BBS9: variants seen among roughly 807,000 people sequenced by gnomAD.
BBS9 encodes Bardet-Biedl syndrome 9.
BBS9 carries 89 observed loss-of-function variants against 117.7 expected under a neutral mutation model. The ratio of observed to expected loss-of-function variants is 0.76; its 90% confidence interval spans 0.64 to 0.90. The LOEUF (loss-of-function observed/expected upper bound fraction) is 0.90, where lower values mean the gene tolerates loss of function less well. Among genes scored for constraint, BBS9 ranks in the 40% least tolerant of loss-of-function variants. The pLI is 0.00. For missense variants in BBS9, 982 were observed against 1,042.2 expected, an observed-to-expected ratio of 0.94 and a Z score of 0.80; for synonymous variants, 379 against 370.9, an observed-to-expected ratio of 1.02 and a Z score of -0.25.
At chr7:33,226,757 ATAT>A (rs1431318472) in intron 5 of BBS9, among the ~76,000 whole-genome samples, 1 of 152,192 alleles carries the variant, frequency 6.6e-6, no homozygotes, top group African/African-American at 2.4e-5. Flanking sequence ...AACCTTGGAG[ATAT>A]TATGTTAAGT....
intron 9 of BBS9, among the ~76,000 whole-genome samples, chr7:33,286,062 G>A (rs1365545949): frequency 1.3e-5 from 2 of 151,922 alleles, no homozygotes; most frequent in Non-Finnish European, 2.9e-5. Flanking sequence ...GTATAGCCAA[G>A]GATAAGTAGT....
chr7:33,296,364 T>A (rs1478866029), intron 9 of BBS9, among the ~76,000 whole-genome samples: 1 of 152,162 alleles, frequency 6.6e-6, no homozygotes, highest in Non-Finnish European at 1.5e-5. Flanking sequence ...TTGATAAAAT[T>A]TTATGGACAG....
intron 19 of BBS9, among the ~76,000 whole-genome samples, chr7:33,443,206 C>T (rs1836477095): frequency 6.6e-6 from 1 of 151,902 alleles, no homozygotes; most frequent in South Asian, 2.1e-4. Flanking sequence ...AAACCCAAAC[C>T]CTTCAATCCT....
chr7:33,576,057 G>A lies in BBS9; in HGVS notation c.2522-28808G>A, dbSNP rs569455327. Reference sequence around the variant, plus strand: ...TGTAGTGTTGGAAGTTCTGGCCAGGGCAACCAGACAAGAGAAAGAAATAAA... The same window carrying A: ...TGTAGTGTTGGAAGTTCTGGCCAGGACAACCAGACAAGAGAAAGAAATAAA... On this transcript the variant is annotated intron_variant, in intron 21 of 22. Coordinates refer to ENST00000242067, the MANE Select transcript of BBS9 (RefSeq NM_198428.3). 4.1e-3 allele frequency among the ~76,000 whole-genome samples: 625 copies of A among 152,252 alleles called. 6 individuals carry two copies. Among genetic ancestry groups the A allele is most frequent in the African/African-American group, 0.014 (591 of 41,552 alleles).
At chr7:33,358,754 A>G (rs1251910240) in intron 16 of BBS9, among the ~76,000 whole-genome samples, 1 of 151,972 alleles carries the variant, frequency 6.6e-6, no homozygotes, top group African/African-American at 2.4e-5. Context: ...TAAATCCTTC[A>G]TTAAAAATCA....
chr7:33,535,813 G>GAA (rs1199235228), intron 21 of BBS9, among the ~76,000 whole-genome samples: 1 of 151,866 alleles, frequency 6.6e-6, no homozygotes, highest in Non-Finnish European at 1.5e-5. Flanking sequence ...GAGAGAGAGA[G>GAA]AAAAAAAATT....
At chr7:33,179,194 A>C (rs950840465) in intron 5 of BBS9, among the ~76,000 whole-genome samples, 5 of 152,228 alleles carry the variant, frequency 3.3e-5, no homozygotes, top group Non-Finnish European at 7.3e-5. Context: ...ACATCATAAA[A>C]AAATTATAAC....
At chr7:33,423,395 G>GGT (rs142355079) in intron 19 of BBS9, among the ~76,000 whole-genome samples, 1,949 of 150,172 alleles carry the variant, frequency 0.013, 26 homozygotes, top group South Asian at 0.039. Context: ...ATACCTTGGG[G>GGT]GTGTGTGTGT....
intron 19 of BBS9, among the ~76,000 whole-genome samples, chr7:33,452,539 A>G (rs758715982): frequency 2.0e-5 from 3 of 152,206 alleles, no homozygotes; most frequent in Non-Finnish European, 4.4e-5. Flanking sequence ...GGAGAAGATC[A>G]TATGTCCCTT....
chr7:33,405,946 A>G (rs1427371781), intron 19 of BBS9, among the ~76,000 whole-genome samples: 3 of 137,168 alleles, frequency 2.2e-5, no homozygotes, highest in Non-Finnish European at 3.2e-5. Context: ...TAGGGTGTCA[A>G]TTTTGGATCT....
intron 5 of BBS9, among the ~76,000 whole-genome samples, chr7:33,229,688 A>G (rs1791960210): frequency 1.3e-5 from 2 of 152,148 alleles, no homozygotes; most frequent in South Asian, 4.1e-4. Context: ...TTTCCATATC[A>G]TGGCTATTGT....
chr7:33,620,341 A>T (rs1865342341), intron 21 of BBS9, among the ~76,000 whole-genome samples: 1 of 151,964 alleles, frequency 6.6e-6, no homozygotes, highest in Non-Finnish European at 1.5e-5. Flanking sequence ...AGGACTCCTT[A>T]AAAAAACTGT....
At chr7:33,243,113 TC>T (rs1393168719) in intron 5 of BBS9, 1 of 413,526 alleles carries the variant, frequency 2.4e-6, no homozygotes, top group Non-Finnish European at 4.9e-6. Context: ...TTCATTTGGT[TC>T]TGTTAATTTC....
At chr7:33,485,124 A>G (rs987654350) in intron 19 of BBS9, among the ~76,000 whole-genome samples, 1 of 152,030 alleles carries the variant, frequency 6.6e-6, no homozygotes, top group African/African-American at 2.4e-5. Flanking sequence ...TTGGGGGGCA[A>G]CACACACTGG....
In BBS9 at chr7:33,273,542, G is replaced by A. The variant is rs530587804; in HGVS notation, c.887-285G>A. 7.2e-5 allele frequency among the ~76,000 whole-genome samples: 11 copies of A among 152,188 alleles called. No individual in the cohort carries two copies. The South Asian group carries it at 1.0e-3, about 14-fold the overall frequency. ...AGAATGAATTATCTGTAGTGAATGC[G>A]TAGTAAATCATTAGCTTAAATGTGT... On this transcript the variant is annotated intron_variant, in intron 8 of 22. Coordinates refer to ENST00000242067, the MANE Select transcript of BBS9 (RefSeq NM_198428.3).
chr7:33,616,413 G>A (rs906000039), intron 21 of BBS9, among the ~76,000 whole-genome samples: 15 of 149,146 alleles, frequency 1.0e-4, no homozygotes, highest in Non-Finnish European at 1.9e-4. Context: ...TTGTAAATAT[G>A]TATTGTAGAT....
At chr7:33,371,390 G>C (rs1584531559) in intron 17 of BBS9, among the ~76,000 whole-genome samples, 1 of 152,094 alleles carries the variant, frequency 6.6e-6, no homozygotes, top group Admixed American at 6.5e-5. Context: ...TCAGTATCTA[G>C]TGTTTTCAAT....
rs111506225 is a variant in BBS9 at position 33,595,608 on chromosome 7, A to G, written c.2522-9257A>G. Among the ~76,000 whole-genome samples, 1,389 of 152,286 alleles carry G rather than the reference A, an allele frequency of 9.1e-3. 25 individuals carry two copies. Among genetic ancestry groups the G allele is most frequent in the African/African-American group, 0.032 (1,327 of 41,568 alleles). ...GGTGGGAATGTAAATGAGTTCAACC[A>G]TTGTGGAAGACAGTGTGGCGATTCC... On this transcript the variant is annotated intron_variant, in intron 21 of 22. Transcript: ENST00000242067.
At chr7:33,203,446 G>T (rs1786275326) in intron 5 of BBS9, among the ~76,000 whole-genome samples, 2 of 152,138 alleles carry the variant, frequency 1.3e-5, no homozygotes, top group African/African-American at 2.4e-5. Context: ...CTGCTCTCTA[G>T]AACAGTGGTT....
Sources: gnomAD v4.1 joint callset for allele counts (sites outside exome capture counted in the v4.1 genomes callset) on GRCh38, gnomAD v4.1.1 for gene constraint, MANE v1.5 for transcripts, NCBI Gene and HGNC (gene_info 2026-07-23, HGNC 2026-07-21) for gene names.